Variants in SRR observed in about 807,000 individuals in gnomAD.
SRR encodes the protein D-serine ammonia-lyase.
Under a neutral mutation model 32.7 loss-of-function variants are expected in SRR, and 19 were observed. The ratio of observed to expected loss-of-function variants is 0.58; its 90% CI spans 0.40 to 0.85. The LOEUF (loss-of-function observed/expected upper bound fraction) is 0.85. Among genes scored for constraint, SRR ranks in the 40% least tolerant of loss-of-function variants. The pLI, the probability that SRR is intolerant of heterozygous loss-of-function variation, is 0.00. For synonymous variants in SRR, 142 were observed against 140.9 expected, an observed-to-expected ratio of 1.01 and a Z score of -0.06; for missense variants, 373 against 404.7, an observed-to-expected ratio of 0.92 and a Z score of 0.67.
intron 6 of SRR, chr17:2,322,545 G>C (rs1296648340): frequency 6.6e-6 from 1 of 152,232 alleles, no homozygotes; most frequent in Non-Finnish European, 1.5e-5. Context: ...CTGTCACCCA[G>C]GCTGGAGTGC....
At chr17:2,314,362 T>C (rs1355208548) in intron 1 of SRR, among the ~76,000 whole-genome samples, 1 of 152,054 alleles carries the variant, frequency 6.6e-6, no homozygotes, top group Non-Finnish European at 1.5e-5. Context: ...GGCAGGCGGA[T>C]CACGAGGTCA....
Position 2,323,805 on chromosome 17 carries a change from T to C in SRR, c.955T>C (p.Leu319=), listed in dbSNP as rs753551078. 121 of 1,614,078 alleles carry C rather than the reference T, an allele frequency of 7.5e-5. No individual in the cohort carries two copies. The highest frequency in any genetic ancestry group is 9.9e-5 in the Non-Finnish European group (117 of 1,180,040). The change falls in exon 8 of 8, where the codon TTA becomes CTA. Residue 319 remains leucine, a synonymous_variant. Coordinates refer to ENST00000344595, the MANE Select transcript of SRR (RefSeq NM_021947.3). ...TGTGCTCAGTGGTGGAAATGTAGAC[T>C]TAACCTCCTCCATAACTTGGGTGAA... The part of the protein sequence containing the change: ...CIVLSGGNVD[L]TSSITWVKQA...
intron 1 of SRR, among the ~76,000 whole-genome samples, chr17:2,305,887 T>C (rs779685094): frequency 2.6e-5 from 4 of 151,886 alleles, no homozygotes; most frequent in Non-Finnish European, 4.4e-5. Context: ...TTAGTAGAGA[T>C]GGGGTTTCAC....
chr17:2,324,763 C>T lies in SRR; in HGVS notation c.*890C>T. On this transcript the variant is annotated 3_prime_UTR_variant, in exon 8 of 8. Transcript: ENST00000344595. ...GAAAGGATGACCACTCAGAACAACT[C>T]TCTTGATGACCATTCTGTCTGGATC... 4.3e-6 allele frequency: 7 copies of T among 1,614,244 alleles called. No individual in the cohort carries two copies. The highest frequency in any genetic ancestry group is 5.9e-6 in the Non-Finnish European group (7 of 1,180,042).
chr17:2,315,809 G>A (rs2075468657), intron 2 of SRR, 81 bp downstream of exon 2: 9 of 1,330,510 alleles, frequency 6.8e-6, no homozygotes, highest in Non-Finnish European at 3.1e-6. Flanking sequence ...ACCACCCAAT[G>A]AGATAGGCAG....
intron 1 of SRR, 180 bp from the exon 2 acceptor site, chr17:2,315,377 A>T (rs974185277): frequency 9.4e-6 from 5 of 533,196 alleles, no homozygotes; most frequent in Non-Finnish European, 1.5e-5. Context: ...TTCACCAGAA[A>T]AACTTCGTTC....
rs1367816534 is a variant in SRR at position 2,315,630 on chromosome 17, C to T, written c.70C>T (p.His24Tyr). Residue 24 changes from histidine to tyrosine, a missense_variant, in exon 2 of 8, where the codon CAC becomes TAC. By Grantham distance (83) the His-to-Tyr change is moderately conservative. Transcript: ENST00000344595. ...TCATATCAACATTCGAGATTCTATC[C>T]ACCTCACACCAGTGCTAACAAGCTC... ...KAHINIRDSI[H>Y]LTPVLTSSIL... 2 of 1,613,972 alleles carry T rather than the reference C, an allele frequency of 1.2e-6. No individual in the cohort carries two copies. The highest frequency in any genetic ancestry group is 1.7e-5 in the Admixed American group (1 of 59,974).
intron 4 of SRR, among the ~76,000 whole-genome samples, chr17:2,319,818 CTTCT>C (rs1349050651): frequency 1.2e-4 from 13 of 107,586 alleles, no homozygotes; most frequent in African/African-American, 3.6e-4. Context: ...GAACTTGTCT[CTTCT>C]TTTTTTTTTT....
At chr17:2,320,359 G>A (rs2075516810) in intron 4 of SRR, among the ~76,000 whole-genome samples, 2 of 142,964 alleles carry the variant, frequency 1.4e-5, no homozygotes, top group African/African-American at 5.2e-5. Flanking sequence ...GGGTTCAAGC[G>A]ATTCTTCTGC....
chr17:2,321,854 T>C (rs575941289), intron 6 of SRR, among the ~76,000 whole-genome samples: 99 of 152,346 alleles, frequency 6.5e-4, no homozygotes, highest in Non-Finnish European at 1.2e-3. Context: ...CCTGGCCCAC[T>C]GCAGCCTCCA....
chr17:2,315,638 A>G lies in SRR; in HGVS notation c.78A>G (p.Thr26=), dbSNP rs775070952. The G allele has an allele frequency of 1.9e-6, 3 of 1,614,152 alleles. No homozygotes were observed. Residue 26 remains threonine, a synonymous_variant, in exon 2 of 8, where the codon ACA becomes ACG. Transcript: ENST00000344595. ...ACATTCGAGATTCTATCCACCTCAC[A>G]CCAGTGCTAACAAGCTCCATTTTGA... ...HINIRDSIHL[T]PVLTSSILNQ...
chr17:2,314,454 GT>G (rs1341311943), intron 1 of SRR, among the ~76,000 whole-genome samples: 3 of 152,036 alleles, frequency 2.0e-5, no homozygotes, highest in African/African-American at 7.3e-5. Flanking sequence ...ATGGTGGCAG[GT>G]GCCTGTAGTC....
chr17:2,313,478 G>A (rs1417082335), intron 1 of SRR, among the ~76,000 whole-genome samples: 1 of 151,526 alleles, frequency 6.6e-6, no homozygotes, highest in Admixed American at 6.6e-5. Context: ...GCTCACGCCT[G>A]TAATACCAGC....
chr17:2,308,634 G>A (rs2075411058), intron 1 of SRR, among the ~76,000 whole-genome samples: 1 of 152,084 alleles, frequency 6.6e-6, no homozygotes, highest in Admixed American at 6.6e-5. Context: ...CGAGGTGGGT[G>A]GATCACAAGG....
At chr17:2,313,883 G>A (rs1411094845) in intron 1 of SRR, among the ~76,000 whole-genome samples, 1 of 152,154 alleles carries the variant, frequency 6.6e-6, no homozygotes, top group Non-Finnish European at 1.5e-5. Flanking sequence ...GTAAACCACT[G>A]GATAGCAACT....
intron 1 of SRR, chr17:2,307,236 G>T: frequency 8.0e-7 from 1 of 1,254,818 alleles, no homozygotes; most frequent in African/African-American, 1.5e-5. Context: ...ATGACTCCGT[G>T]GATAAGACTG....
At chr17:2,322,286 A>G (rs2075536181) in intron 6 of SRR, among the ~76,000 whole-genome samples, 1 of 152,102 alleles carries the variant, frequency 6.6e-6, no homozygotes, top group Non-Finnish European at 1.5e-5. Flanking sequence ...AAGTGACACC[A>G]TCATAGTCTT....
At chr17:2,322,506 T>TC (rs2151437213) in intron 6 of SRR, 1 of 152,328 alleles carries the variant, frequency 6.6e-6, no homozygotes, top group East Asian at 1.9e-4. Flanking sequence ...GTGCCTATTT[T>TC]CTTTTTTTTT....
intron 2 of SRR, among the ~76,000 whole-genome samples, chr17:2,317,522 A>T (rs530874048): frequency 0.052 from 7,206 of 139,488 alleles, 549 homozygotes; most frequent in African/African-American, 0.18. Context: ...CTAAAAAAAT[A>T]AAAAAAAAAA....
Sources: allele counts gnomAD v4.1 joint callset (sites outside exome capture counted in the v4.1 genomes callset), GRCh38; gene constraint gnomAD v4.1.1; transcripts MANE v1.5; gene names NCBI Gene and HGNC (gene_info 2026-07-23, HGNC 2026-07-21).